CFAP299: variants seen among roughly 807,000 people sequenced by gnomAD.
CFAP299 encodes the protein cilia- and flagella-associated protein 299.
A neutral mutation model predicts 27.0 loss-of-function variants in CFAP299; 21 were observed. That is an observed-to-expected ratio of 0.78 (90% CI 0.55 to 1.12). The LOEUF is 1.12. Among genes scored for constraint, CFAP299 ranks in the 50% most tolerant of loss-of-function variants. The probability of loss-of-function intolerance (pLI) is 0.00; values close to 1 mark genes in which losing one functional copy is unlikely to be tolerated. For synonymous variants in CFAP299, 104 were observed against 98.1 expected, an observed-to-expected ratio of 1.06 and a Z score of -0.36; for missense variants, 310 against 276.6, an observed-to-expected ratio of 1.12 and a Z score of -0.86.
intron 2 of CFAP299, among the ~76,000 whole-genome samples, chr4:80,434,028 A>G (rs1259082900): frequency 2.0e-5 from 3 of 152,176 alleles, no homozygotes; most frequent in African/African-American, 7.2e-5. Flanking sequence ...ACTATTTACC[A>G]AATGCCTGTT....
At chr4:80,819,382 G>A (rs1427349694) in intron 3 of CFAP299, among the ~76,000 whole-genome samples, 1 of 152,108 alleles carries the variant, frequency 6.6e-6, no homozygotes, top group South Asian at 2.1e-4. Context: ...TTGACTGAAA[G>A]AGGAATTAAA....
At chr4:80,867,511 G>T (rs1408079243) in intron 3 of CFAP299, among the ~76,000 whole-genome samples, 1 of 152,064 alleles carries the variant, frequency 6.6e-6, no homozygotes, top group African/African-American at 2.4e-5. Context: ...CCCAGACAAC[G>T]CCTTAAGCAA....
intron 3 of CFAP299, among the ~76,000 whole-genome samples, chr4:80,698,595 C>T (rs1721261229): frequency 6.6e-6 from 1 of 152,176 alleles, no homozygotes; most frequent in South Asian, 2.1e-4. Flanking sequence ...ATTTCCAACA[C>T]AGGCAAAGTA....
intron 3 of CFAP299, among the ~76,000 whole-genome samples, chr4:80,781,770 G>A (rs1726893020): frequency 6.6e-6 from 1 of 151,022 alleles, no homozygotes; most frequent in African/African-American, 2.4e-5. Context: ...GTATAATTTA[G>A]GATAAAGGAA....
At chr4:80,390,115 C>T (rs1437129416) in intron 2 of CFAP299, among the ~76,000 whole-genome samples, 1 of 151,772 alleles carries the variant, frequency 6.6e-6, no homozygotes, top group Non-Finnish European at 1.5e-5. Context: ...ATCACAATAC[C>T]TTTATTTTAT....
At chr4:80,772,639 G>A (rs1236375879) in intron 3 of CFAP299, among the ~76,000 whole-genome samples, 3 of 151,832 alleles carry the variant, frequency 2.0e-5, no homozygotes, top group Non-Finnish European at 4.4e-5. Context: ...GTGGTTTGCT[G>A]CCCCTATCAA....
chr4:80,489,516 C>T (rs545240772), intron 2 of CFAP299, among the ~76,000 whole-genome samples: 308 of 152,202 alleles, frequency 2.0e-3, no homozygotes, highest in African/African-American at 7.0e-3. Flanking sequence ...CAAAAATAGC[C>T]CTTCCTCTAT....
At chr4:80,462,657 C>G (rs1051235886) in intron 2 of CFAP299, among the ~76,000 whole-genome samples, 3 of 152,068 alleles carry the variant, frequency 2.0e-5, no homozygotes, top group Non-Finnish European at 4.4e-5. Context: ...GATCTCATCC[C>G]ACCCTTGCTT....
chr4:80,667,190 C>T (rs1741182911), intron 3 of CFAP299, among the ~76,000 whole-genome samples: 1 of 152,024 alleles, frequency 6.6e-6, no homozygotes, highest in African/African-American at 2.4e-5. Context: ...TTTATGTTCT[C>T]TTTTCAATTT....
chr4:80,491,765 C>T (rs144650092), intron 2 of CFAP299, among the ~76,000 whole-genome samples: 2,207 of 152,054 alleles, frequency 0.015, 32 homozygotes, highest in South Asian at 0.077. Flanking sequence ...CATTATGAGA[C>T]AAAAAGGAAA....
At chr4:80,471,835 C>G (rs889237938) in intron 2 of CFAP299, among the ~76,000 whole-genome samples, 1 of 152,166 alleles carries the variant, frequency 6.6e-6, no homozygotes, top group Non-Finnish European at 1.5e-5. Context: ...GATGGGAGAG[C>G]GCTTGCACTC....
chr4:80,386,329 C>G (rs1724986788), intron 2 of CFAP299: 4 of 1,366,000 alleles, frequency 2.9e-6, no homozygotes, highest in Non-Finnish European at 4.1e-6. Flanking sequence ...GCACCACCCA[C>G]GACGATGGAA....
At chr4:80,370,703 T>C (rs191961139) in intron 2 of CFAP299, among the ~76,000 whole-genome samples, 30 of 152,366 alleles carry the variant, frequency 2.0e-4, no homozygotes, top group Admixed American at 2.0e-3. Context: ...ATCCAGGGCA[T>C]GCTGATGCAA....
Position 80,736,337 on chromosome 4 carries a change from G to A in CFAP299, c.334-133656G>A, listed in dbSNP as rs1245487411. On this transcript the variant is annotated intron_variant, in intron 3 of 5. Transcript: ENST00000358105. ...TTCCCAGCACCATTTATTAAATAGG[G>A]AATCCTTTCCCCATTGCTTGTTTTT... 2.0e-5 allele frequency among the ~76,000 whole-genome samples: 3 copies of A among 152,038 alleles called. No homozygotes were observed. The East Asian group carries it at 5.8e-4, about 29-fold the overall frequency.
intron 3 of CFAP299, among the ~76,000 whole-genome samples, chr4:80,679,767 T>C (rs1346077474): frequency 6.6e-6 from 1 of 151,774 alleles, no homozygotes; most frequent in Non-Finnish European, 1.5e-5. Flanking sequence ...GCTTTGTTTT[T>C]TGTTTGCTTA....
At chr4:80,546,065 C>T (rs921010263) in intron 2 of CFAP299, among the ~76,000 whole-genome samples, 1 of 151,970 alleles carries the variant, frequency 6.6e-6, no homozygotes, top group Non-Finnish European at 1.5e-5. Context: ...AGTGAGAAAC[C>T]CTTAACAATT....
the CFAP299 span, among the ~76,000 whole-genome samples, chr4:80,327,071 A>G: frequency 6.6e-6 from 1 of 152,184 alleles, no homozygotes; most frequent in Non-Finnish European, 1.5e-5. Context: ...CATTCCAACA[A>G]ATGAACTTGA....
chr4:80,332,371 G>T (rs1721973297), upstream of CFAP299, among the ~76,000 whole-genome samples: 1 of 152,048 alleles, frequency 6.6e-6, no homozygotes, highest in Non-Finnish European at 1.5e-5. Context: ...TTTTTAAAAT[G>T]GGAAAGGAGC....
intron 2 of CFAP299, among the ~76,000 whole-genome samples, chr4:80,551,062 G>A (rs1360569208): frequency 6.6e-6 from 1 of 152,160 alleles, no homozygotes; most frequent in African/African-American, 2.4e-5. Context: ...ATTTGGTCAG[G>A]TGTGGACTTT....
Sources: gnomAD v4.1 joint callset for allele counts (sites outside exome capture counted in the v4.1 genomes callset) on GRCh38, gnomAD v4.1.1 for gene constraint, MANE v1.5 for transcripts, NCBI Gene and HGNC (gene_info 2026-07-23, HGNC 2026-07-21) for gene names.